The following ATRNL1 variants were observed in gnomAD, a reference collection of about 807,000 sequenced individuals.
ATRNL1 encodes the protein attractin like 1.
In ATRNL1, 95 loss-of-function variants were observed where a neutral mutation model predicts 182.7. The observed-to-expected ratio is 0.52, with a 90% CI of 0.44 to 0.62. The LOEUF (loss-of-function observed/expected upper bound fraction) is 0.62, where lower values mean the gene tolerates loss of function less well. Among genes scored for constraint, ATRNL1 ranks in the 20% least tolerant of loss-of-function variants. The pLI is 0.00. For synonymous variants in ATRNL1, 576 were observed against 568.3 expected, an observed-to-expected ratio of 1.01 and a Z score of -0.19; for missense variants, 1,471 against 1,679.5, an observed-to-expected ratio of 0.88 and a Z score of 2.17.
rs115676791 is a variant in ATRNL1 at position 115,769,172 on chromosome 10, T to A, written c.3903+41817T>A. Among the ~76,000 whole-genome samples, 867 of 152,232 alleles carry A rather than the reference T, an allele frequency of 5.7e-3. 11 individuals are homozygous for A. The highest frequency in any genetic ancestry group is 0.02 in the African/African-American group (821 of 41,550). On this transcript the variant is annotated intron_variant, in intron 27 of 28. Transcript: ENST00000355044. ...ATGGACATTTATACTGTTTTTTCAGTTTCAAAGTTGTAAAAGTAATGTATG... is the reference window on the plus strand; with the variant it reads ...ATGGACATTTATACTGTTTTTTCAGATTCAAAGTTGTAAAAGTAATGTATG...
chr10:115,403,556 A>G (rs540458682), intron 20 of ATRNL1, among the ~76,000 whole-genome samples: 1 of 151,636 alleles, frequency 6.6e-6, no homozygotes, highest in Non-Finnish European at 1.5e-5. Flanking sequence ...TCTGGGTTCA[A>G]GCGATTCTCA....
chr10:115,492,991 T>C (rs1472425164), intron 24 of ATRNL1, among the ~76,000 whole-genome samples: 1 of 152,178 alleles, frequency 6.6e-6, no homozygotes, highest in Non-Finnish European at 1.5e-5. Context: ...CATTTTGTCA[T>C]TCATATGTAT....
chr10:115,165,794 T>C, intron 7 of ATRNL1, 149 bp downstream of exon 7: 1 of 402,282 alleles, frequency 2.5e-6, no homozygotes, highest in Non-Finnish European at 4.4e-6. Context: ...CCACATACTC[T>C]TATGCTTTTA....
intron 28 of ATRNL1, among the ~76,000 whole-genome samples, chr10:115,864,538 A>T (rs1951390756): frequency 6.6e-6 from 1 of 152,170 alleles, no homozygotes; most frequent in Admixed American, 6.5e-5. Flanking sequence ...GTAATAAAGA[A>T]CCCTAGCAGA....
intron 26 of ATRNL1, among the ~76,000 whole-genome samples, chr10:115,619,309 C>T (rs1486263878): frequency 5.9e-5 from 9 of 152,126 alleles, no homozygotes; most frequent in South Asian, 4.1e-4. Flanking sequence ...CCATAGAGGG[C>T]ACATGTGAAC....
In ATRNL1 at chr10:115,384,817, G is replaced by A. The variant is rs540715187; in HGVS notation, c.3176-9842G>A. On this transcript the variant is annotated intron_variant, in intron 19 of 28. Coordinates refer to ENST00000355044, the MANE Select transcript of ATRNL1 (RefSeq NM_207303.4). ...ATACATAAAATTAAATAGAACTTTC[G>A]TTTCTGATTTCTTTCACTCAGCATT... Among the ~76,000 whole-genome samples, 22 of 150,160 alleles carry A rather than the reference G, an allele frequency of 1.5e-4. No homozygotes were observed. The East Asian group carries it at 2.9e-3, about 20-fold the overall frequency.
At chr10:115,464,654 T>C (rs1205678774) in intron 22 of ATRNL1, among the ~76,000 whole-genome samples, 3 of 151,928 alleles carry the variant, frequency 2.0e-5, no homozygotes, top group African/African-American at 7.2e-5. Context: ...TAAATATCAA[T>C]TGGAAATTTT....
chr10:115,804,180 A>G (rs1949865042), intron 27 of ATRNL1, among the ~76,000 whole-genome samples: 1 of 152,192 alleles, frequency 6.6e-6, no homozygotes, highest in Non-Finnish European at 1.5e-5. Context: ...AGGTTTGTAT[A>G]CTACTCCCTA....
At chr10:115,644,880 C>A (rs909016469) in intron 26 of ATRNL1, among the ~76,000 whole-genome samples, 3 of 152,012 alleles carry the variant, frequency 2.0e-5, no homozygotes, top group Non-Finnish European at 4.4e-5. Flanking sequence ...ATTGGGGAAA[C>A]TTCTTTGATT....
chr10:115,513,229 C>A (rs142967883), intron 24 of ATRNL1, among the ~76,000 whole-genome samples: 54 of 151,938 alleles, frequency 3.6e-4, no homozygotes, highest in Middle Eastern at 3.4e-3. Context: ...CTGAGAATAG[C>A]CAGATACACT....
chr10:115,754,957 T>G (rs1162997721), intron 27 of ATRNL1, among the ~76,000 whole-genome samples: 2 of 152,198 alleles, frequency 1.3e-5, no homozygotes, highest in Non-Finnish European at 2.9e-5. Context: ...GACTCATGAT[T>G]TGGCTCTCTG....
intron 28 of ATRNL1, among the ~76,000 whole-genome samples, chr10:115,858,589 C>T (rs2134385357): frequency 6.6e-6 from 1 of 152,206 alleles, no homozygotes; most frequent in East Asian, 1.9e-4. Flanking sequence ...CTAATGCATG[C>T]TGGGCTTAAA....
chr10:115,536,216 G>A (rs1851985901), intron 25 of ATRNL1, among the ~76,000 whole-genome samples: 1 of 152,174 alleles, frequency 6.6e-6, no homozygotes, highest in African/African-American at 2.4e-5. Flanking sequence ...CCCCAGAGGT[G>A]GAGCCTACAG....
intron 28 of ATRNL1, among the ~76,000 whole-genome samples, chr10:115,898,255 A>G (rs1952258673): frequency 6.6e-6 from 1 of 152,170 alleles, no homozygotes; most frequent in Middle Eastern, 3.2e-3. Context: ...GTAGGTATGT[A>G]TGTATGCATG....
intron 25 of ATRNL1, among the ~76,000 whole-genome samples, chr10:115,543,200 C>A (rs1430301520): frequency 6.6e-6 from 1 of 152,142 alleles, no homozygotes; most frequent in Non-Finnish European, 1.5e-5. Flanking sequence ...TGCTTAACAA[C>A]CCTCAGAAGT....
intron 26 of ATRNL1, among the ~76,000 whole-genome samples, chr10:115,576,737 G>A (rs1854736580): frequency 6.6e-6 from 1 of 151,888 alleles, no homozygotes; most frequent in Admixed American, 6.6e-5. Flanking sequence ...AACTTAATAT[G>A]ATATAGTCTC....
chr10:115,692,807 A>G lies in ATRNL1; in HGVS notation c.3796-34441A>G, dbSNP rs529971218. ...CAAGTTGTAGTTGTAGAAGACATTA[A>G]TGTTTTAGAACAAAGTATTTCAAGC... On this transcript the variant is annotated intron_variant, in intron 26 of 28. Transcript: ENST00000355044. Among the ~76,000 whole-genome samples, 7 of 152,204 alleles carry G rather than the reference A, an allele frequency of 4.6e-5. No homozygotes were observed. The South Asian group carries it at 1.4e-3, about 31-fold the overall frequency.
intron 10 of ATRNL1, among the ~76,000 whole-genome samples, chr10:115,246,526 G>A (rs1211423264): frequency 6.6e-5 from 10 of 151,924 alleles, no homozygotes; most frequent in African/African-American, 2.2e-4. Flanking sequence ...GAAAGAAAAG[G>A]ATAATGGATA....
chr10:115,664,699 T>C (rs536166350), intron 26 of ATRNL1, among the ~76,000 whole-genome samples: 5 of 152,310 alleles, frequency 3.3e-5, no homozygotes, highest in Middle Eastern at 3.4e-3. Flanking sequence ...GACTCTGCTC[T>C]CTTCACATTT....
Sources: gnomAD v4.1 joint callset for allele counts (sites outside exome capture counted in the v4.1 genomes callset) on GRCh38, gnomAD v4.1.1 for gene constraint, MANE v1.5 for transcripts, NCBI Gene and HGNC (gene_info 2026-07-23, HGNC 2026-07-21) for gene names.